ATP10B: variants seen among roughly 807,000 people sequenced by gnomAD.
ATP10B encodes the protein ATPase phospholipid transporting 10B (putative), also known as phospholipid-transporting ATPase VB.
ATP10B carries 122 observed loss-of-function variants against 141.2 expected under a neutral mutation model. The observed-to-expected ratio is 0.86, with a 90% CI of 0.75 to 1.00. The LOEUF (loss-of-function observed/expected upper bound fraction) is 1.00. Ranked by LOEUF, ATP10B falls within the 50% of genes least tolerant of loss-of-function variation. The pLI, the probability that ATP10B is intolerant of heterozygous loss-of-function variation, is 0.00. For synonymous variants in ATP10B, 685 were observed against 692.0 expected, an observed-to-expected ratio of 0.99 and a Z score of 0.16; for missense variants, 1,876 against 1,825.3, an observed-to-expected ratio of 1.03 and a Z score of -0.51.
intron 6 of ATP10B, among the ~76,000 whole-genome samples, chr5:160,684,311 C>T (rs1250108652): frequency 6.6e-6 from 1 of 152,228 alleles, no homozygotes; most frequent in Non-Finnish European, 1.5e-5. Context: ...TCTCCTGCAA[C>T]TCTCACAACC....
chr5:160,872,125 G>T, the ATP10B span, among the ~76,000 whole-genome samples: 2 of 152,058 alleles, frequency 1.3e-5, no homozygotes, highest in Non-Finnish European at 2.9e-5. Context: ...ATTTTGGTTT[G>T]CACTTCTCTG....
At chr5:160,845,198 C>G (rs1291647102) in intron 1 of ATP10B, among the ~76,000 whole-genome samples, 1 of 152,148 alleles carries the variant, frequency 6.6e-6, no homozygotes, top group Non-Finnish European at 1.5e-5. Context: ...CTATGTGACT[C>G]TAAAATTTAA....
At chr5:160,892,963 A>AG in the ATP10B span, among the ~76,000 whole-genome samples, 8 of 152,184 alleles carry the variant, frequency 5.3e-5, no homozygotes. Context: ...TCCTTCCCCT[A>AG]GTCAAGGGAA....
chr5:160,861,899 C>A, the ATP10B span, among the ~76,000 whole-genome samples: 1 of 151,818 alleles, frequency 6.6e-6, no homozygotes, highest in Non-Finnish European at 1.5e-5. Flanking sequence ...TAACAAATGG[C>A]ATATTTTAAT....
chr5:160,876,340 G>A, the ATP10B span, among the ~76,000 whole-genome samples: 1 of 145,360 alleles, frequency 6.9e-6, no homozygotes, highest in African/African-American at 2.5e-5. Context: ...AAACCAACGA[G>A]AACAAAGACA....
intron 3 of ATP10B, among the ~76,000 whole-genome samples, chr5:160,716,446 G>A (rs545812305): frequency 1.1e-4 from 16 of 152,260 alleles, no homozygotes; most frequent in Admixed American, 2.6e-4. Flanking sequence ...AGTATTTAAA[G>A]GTCTCATAGC....
chr5:160,652,630 A>G (rs547967416), intron 7 of ATP10B, among the ~76,000 whole-genome samples: 16 of 137,828 alleles, frequency 1.2e-4, no homozygotes, highest in African/African-American at 4.1e-4. Context: ...GACGAATTTT[A>G]TATTTTATAA....
At chr5:160,787,083 C>A (rs1377272573) in intron 1 of ATP10B, among the ~76,000 whole-genome samples, 2 of 149,316 alleles carry the variant, frequency 1.3e-5, no homozygotes, top group African/African-American at 5.0e-5. Context: ...CCAAATCCTG[C>A]TCCTTGAAGG....
At chr5:160,615,535 G>A (rs1233854789) in intron 17 of ATP10B, among the ~76,000 whole-genome samples, 1 of 151,776 alleles carries the variant, frequency 6.6e-6, no homozygotes, top group Non-Finnish European at 1.5e-5. Flanking sequence ...ATGTCACTTG[G>A]CACATAGTAG....
chr5:160,608,263 C>T (rs1226838694), intron 18 of ATP10B, among the ~76,000 whole-genome samples: 2 of 152,164 alleles, frequency 1.3e-5, no homozygotes, highest in East Asian at 3.8e-4. Context: ...GTGAACTCAT[C>T]TGTTTTTATG....
chr5:160,698,910 G>A (rs1362268731), intron 3 of ATP10B, among the ~76,000 whole-genome samples: 2 of 152,184 alleles, frequency 1.3e-5, no homozygotes, highest in African/African-American at 2.4e-5. Flanking sequence ...ATAGGCAAAT[G>A]AGAAGCTTCA....
At chr5:160,568,050 G>C (rs1754652887) in intron 25 of ATP10B, among the ~76,000 whole-genome samples, 1 of 152,154 alleles carries the variant, frequency 6.6e-6, no homozygotes, top group African/African-American at 2.4e-5. Flanking sequence ...GCCTGCCTTT[G>C]TCCCAAGTGG....
chr5:160,626,169 G>A (rs982681293), intron 13 of ATP10B, among the ~76,000 whole-genome samples: 1 of 152,144 alleles, frequency 6.6e-6, no homozygotes, highest in African/African-American at 2.4e-5. Flanking sequence ...ACTATTTCTC[G>A]GAAGAAAAAG....
chr5:160,917,987 A>C, the ATP10B span, among the ~76,000 whole-genome samples: 1 of 152,214 alleles, frequency 6.6e-6, no homozygotes, highest in Non-Finnish European at 1.5e-5. Context: ...AGGGCTGCTC[A>C]AGGTTTATCT....
Position 160,601,543 on chromosome 5 carries a change from C to T in ATP10B, c.3363+1034G>A, listed in dbSNP as rs186967166. The stretch of plus-strand genomic sequence containing the variant: ...GCTTTTCAAAGAAGAGTCTTCTGAC[C>T]GTTTTAATACCTCAGTTGGTATGTG... On this transcript the variant is annotated intron_variant, in intron 21 of 25. Coordinates refer to ENST00000327245, the MANE Select transcript of ATP10B (RefSeq NM_025153.3). Among the ~76,000 whole-genome samples the T allele has an allele frequency of 4.4e-3, 677 of 152,238 alleles. 5 individuals are homozygous for T. Among genetic ancestry groups the T allele is most frequent in the Non-Finnish European group, 7.1e-3 (485 of 68,002 alleles).
intron 2 of ATP10B, among the ~76,000 whole-genome samples, chr5:160,766,359 C>CAG (rs1769417846): frequency 9.8e-6 from 1 of 102,146 alleles, no homozygotes; most frequent in Admixed American, 9.2e-5. Context: ...CACACACACA[C>CAG]ACACACACAC....
chr5:160,749,924 G>T (rs1484267679), intron 2 of ATP10B, among the ~76,000 whole-genome samples: 1 of 152,140 alleles, frequency 6.6e-6, no homozygotes, highest in Non-Finnish European at 1.5e-5. Context: ...ATTTCTCTGA[G>T]CCCGAATGAG....
chr5:160,687,857 G>T lies in ATP10B; in HGVS notation c.218C>A (p.Thr73Lys), dbSNP rs767703443. ...SRRYPGNRTCTTKYTLFTFLP... is the reference protein window; with the variant it reads ...SRRYPGNRTCKTKYTLFTFLP... ...GAAGGTGAAGAGGGTGTATTTGGTTGTGCAGGTTCTGTTGCCAGGGTATCT... is the reference window on the plus strand; with the variant it reads ...GAAGGTGAAGAGGGTGTATTTGGTTTTGCAGGTTCTGTTGCCAGGGTATCT... Residue 73 changes from threonine to lysine, a missense_variant, in exon 5 of 26, where the codon ACA (threonine) becomes AAA (lysine). By Grantham distance (78) the Thr-to-Lys change is moderately conservative. Coordinates refer to ENST00000327245, the MANE Select transcript of ATP10B (RefSeq NM_025153.3). 1.9e-6 allele frequency: 3 copies of T among 1,614,172 alleles called. No individual in the cohort carries two copies. The South Asian group carries it at 3.3e-5, about 18-fold the overall frequency.
intron 2 of ATP10B, among the ~76,000 whole-genome samples, chr5:160,778,159 G>C (rs913115639): frequency 6.6e-6 from 1 of 152,118 alleles, no homozygotes; most frequent in African/African-American, 2.4e-5. Flanking sequence ...CCATGTCCAC[G>C]TATTATCTAA....
Sources: allele counts gnomAD v4.1 joint callset (sites outside exome capture counted in the v4.1 genomes callset), GRCh38; gene constraint gnomAD v4.1.1; transcripts MANE v1.5; gene names NCBI Gene and HGNC (gene_info 2026-07-23, HGNC 2026-07-21).